The following SLC9A9 variants were observed in gnomAD, a reference collection of about 807,000 sequenced individuals.
SLC9A9 encodes solute carrier family 9 member A9.
A neutral mutation model predicts 77.8 loss-of-function variants in SLC9A9; 62 were observed. That is an observed-to-expected ratio of 0.80 (90% CI 0.65 to 0.98). The LOEUF is 0.98. SLC9A9 is among the 50% of genes least tolerant of loss of function. The pLI, the probability that SLC9A9 is intolerant of heterozygous loss-of-function variation, is 0.00. For missense variants in SLC9A9, 775 were observed against 774.9 expected, an observed-to-expected ratio of 1.00 and a Z score of 0.00; for synonymous variants, 320 against 283.5, an observed-to-expected ratio of 1.13 and a Z score of -1.29.
At chr3:143,754,722 G>C (rs2006866452) in intron 4 of SLC9A9, among the ~76,000 whole-genome samples, 1 of 152,168 alleles carries the variant, frequency 6.6e-6, no homozygotes, top group Admixed American at 6.5e-5. Flanking sequence ...CTGAGACAAA[G>C]CCCATGATGA....
At chr3:143,727,341 A>G (rs6787935) in intron 4 of SLC9A9, among the ~76,000 whole-genome samples, 137,620 of 152,028 alleles carry the variant, frequency 0.91, 62,346 homozygotes, top group East Asian at 1. Flanking sequence ...TTATCCAAAT[A>G]TAAATGGTGA....
rs565760418 is a variant in SLC9A9, at chr3:143,341,171, C to T, written c.1604+22313G>A. ...CAGGATAGCATTAATTTGGTGTGAT[C>T]GGGAGGTGAATTTCTTTAGGATCTT... On this transcript the variant is annotated intron_variant, in intron 14 of 15. Transcript: ENST00000316549. 1.3e-4 allele frequency among the ~76,000 whole-genome samples: 20 copies of T among 152,120 alleles called. No homozygotes were observed. The South Asian group carries it at 2.3e-3, about 17-fold the overall frequency.
rs2037405117 is a variant in SLC9A9 at position 143,578,646 on chromosome 3, A to T, written c.833T>A (p.Phe278Tyr). Residue 278 changes from phenylalanine to tyrosine, a missense_variant, in exon 7 of 16, where the codon TTC becomes TAC. Coordinates refer to ENST00000316549, the MANE Select transcript of SLC9A9 (RefSeq NM_173653.4). The part of the protein sequence containing the change: ...AAAFFQSVGN[F>Y]LGIFAGSFAM... Reference sequence around the variant, plus strand: ...AAATGAGCCAGCGAAGATTCCCAGGAAATTCCCCACAGACTGGAAGAATGC... The same window carrying T: ...AAATGAGCCAGCGAAGATTCCCAGGTAATTCCCCACAGACTGGAAGAATGC... The T allele has an allele frequency of 4.3e-6, 7 of 1,614,118 alleles. No individual in the cohort carries two copies. The highest frequency in any genetic ancestry group is 5.9e-6 in the Non-Finnish European group (7 of 1,179,970).
At chr3:143,540,832 T>C (rs1308450555) in intron 9 of SLC9A9, among the ~76,000 whole-genome samples, 1 of 152,220 alleles carries the variant, frequency 6.6e-6, no homozygotes, top group Non-Finnish European at 1.5e-5. Flanking sequence ...ATATGAAACA[T>C]ATATGTTCAG....
At chr3:143,357,325 C>A (rs1368097978) in intron 14 of SLC9A9, among the ~76,000 whole-genome samples, 1 of 152,082 alleles carries the variant, frequency 6.6e-6, no homozygotes, top group Non-Finnish European at 1.5e-5. Flanking sequence ...GACTTCGCGA[C>A]CATGAGGTAC....
intron 6 of SLC9A9, among the ~76,000 whole-genome samples, chr3:143,644,527 G>A (rs966651613): frequency 6.6e-6 from 1 of 152,154 alleles, no homozygotes. Flanking sequence ...CAGGAACCAG[G>A]GAACAGGAAT....
chr3:143,335,201 C>G (rs556484285), intron 14 of SLC9A9, among the ~76,000 whole-genome samples: 147 of 152,208 alleles, frequency 9.7e-4, no homozygotes, highest in South Asian at 2.7e-3. Flanking sequence ...TTTACAATAG[C>G]ATCATAAAGA....
intron 9 of SLC9A9, among the ~76,000 whole-genome samples, chr3:143,548,329 A>G (rs1012976716): frequency 6.6e-6 from 1 of 152,022 alleles, no homozygotes; most frequent in African/African-American, 2.4e-5. Flanking sequence ...GTGGGAGGAA[A>G]GGGGTAGGAG....
chr3:143,418,368 C>A (rs139137468), intron 12 of SLC9A9, among the ~76,000 whole-genome samples: 114 of 152,108 alleles, frequency 7.5e-4, no homozygotes, highest in African/African-American at 2.7e-3. Context: ...AGTGTTGGCT[C>A]TTTTTTGCTG....
chr3:143,604,074 T>A (rs993969208), intron 6 of SLC9A9, among the ~76,000 whole-genome samples: 1 of 152,232 alleles, frequency 6.6e-6, no homozygotes, highest in African/African-American at 2.4e-5. Flanking sequence ...TCATAAAAAC[T>A]GACGTGCTTT....
At chr3:143,444,046 T>C (rs764973520) in intron 12 of SLC9A9, among the ~76,000 whole-genome samples, 9 of 152,216 alleles carry the variant, frequency 5.9e-5, no homozygotes, top group Non-Finnish European at 1.2e-4. Flanking sequence ...CCCAGATTTT[T>C]ATTTCCGTAT....
chr3:143,357,848 A>G (rs1436912011), intron 14 of SLC9A9, among the ~76,000 whole-genome samples: 1 of 152,160 alleles, frequency 6.6e-6, no homozygotes, highest in Non-Finnish European at 1.5e-5. Context: ...GAACTACCCC[A>G]ATAAATGATT....
chr3:143,504,169 G>T, intron 9 of SLC9A9: 1 of 345,022 alleles, frequency 2.9e-6, no homozygotes, highest in Non-Finnish European at 5.6e-6. Context: ...AGTGAGGGGG[G>T]TTGTTGATGG....
At chr3:143,434,799 C>T (rs1195601356) in intron 12 of SLC9A9, among the ~76,000 whole-genome samples, 1 of 152,264 alleles carries the variant, frequency 6.6e-6, no homozygotes, top group African/African-American at 2.4e-5. Context: ...AATCCCTCAG[C>T]CTAGTCCCCA....
At chr3:143,506,181 A>T (rs966612073) in intron 9 of SLC9A9, among the ~76,000 whole-genome samples, 1 of 152,216 alleles carries the variant, frequency 6.6e-6, no homozygotes, top group African/African-American at 2.4e-5. Context: ...ACACAGGTAC[A>T]CATATGCACA....
chr3:143,495,499 T>C, intron 9 of SLC9A9, 51 bp from the exon 10 acceptor site: 1 of 1,355,558 alleles, frequency 7.4e-7, no homozygotes, highest in Non-Finnish European at 1.1e-6. Context: ...CAGGTTTGAG[T>C]GCACTTACTT....
In SLC9A9 at chr3:143,427,312, A is replaced by G. The variant is rs548160320; in HGVS notation, c.1469+39725T>C. On this transcript the variant is annotated intron_variant, in intron 12 of 15. Coordinates refer to ENST00000316549, the MANE Select transcript of SLC9A9 (RefSeq NM_173653.4). The stretch of plus-strand genomic sequence containing the variant: ...GTGGTCTCAGACTCTAAATCTAAGA[A>G]ATGATACCAGTATATTTTTGCCACA... Among the ~76,000 whole-genome samples the G allele has an allele frequency of 1.4e-4, 21 of 152,332 alleles. 1 individual carries two copies. The South Asian group carries it at 4.4e-3, about 32-fold the overall frequency.
At chr3:143,449,573 A>T (rs866520625) in intron 12 of SLC9A9, among the ~76,000 whole-genome samples, 1 of 22,754 alleles carries the variant, frequency 4.4e-5, no homozygotes, top group Non-Finnish European at 6.0e-5. Flanking sequence ...TATAATTATA[A>T]TTATATAATT....
chr3:143,663,715 C>G (rs1292702170), intron 5 of SLC9A9, among the ~76,000 whole-genome samples: 5 of 151,926 alleles, frequency 3.3e-5, no homozygotes, highest in African/African-American at 1.2e-4. Flanking sequence ...GAAAGGGTAT[C>G]AGTGATGGAA....
Sources: allele counts gnomAD v4.1 joint callset (sites outside exome capture counted in the v4.1 genomes callset), GRCh38; gene constraint gnomAD v4.1.1; transcripts MANE v1.5; gene names NCBI Gene and HGNC (gene_info 2026-07-23, HGNC 2026-07-21).